ADGRL2: variants seen among roughly 807,000 people sequenced by gnomAD.
The protein encoded by ADGRL2 is adhesion G protein-coupled receptor L2.
A neutral mutation model predicts 157.4 loss-of-function variants in ADGRL2; 44 were observed. The observed-to-expected ratio is 0.28, with a 90% confidence interval of 0.22 to 0.36. The LOEUF is 0.36. Ranked by LOEUF, ADGRL2 falls within the 10% of genes least tolerant of loss-of-function variation. ADGRL2 has a pLI of 1.00. For synonymous variants in ADGRL2, 585 were observed against 624.7 expected, an observed-to-expected ratio of 0.94 and a Z score of 0.95; for missense variants, 1,510 against 1,768.9, an observed-to-expected ratio of 0.85 and a Z score of 2.63.
intron 3 of ADGRL2, among the ~76,000 whole-genome samples, chr1:81,640,563 C>T (rs995242217): frequency 5.9e-5 from 9 of 151,698 alleles, no homozygotes; most frequent in South Asian, 2.1e-4. Context: ...ACCCGGGAGG[C>T]GGAGGTTGCA....
chr1:81,685,170 A>G (rs1451157806), intron 3 of ADGRL2, among the ~76,000 whole-genome samples: 1 of 152,192 alleles, frequency 6.6e-6, no homozygotes, highest in Admixed American at 6.5e-5. Context: ...AATTCTGTGA[A>G]GAATGATGGT....
chr1:81,764,635 G>A (rs1458493723), intron 2 of ADGRL2, among the ~76,000 whole-genome samples: 3 of 152,084 alleles, frequency 2.0e-5, no homozygotes, highest in Non-Finnish European at 4.4e-5. Context: ...ATGCATTGAG[G>A]AGTTAAAGAG....
chr1:81,490,038 T>C (rs1165834756), intron 2 of ADGRL2, among the ~76,000 whole-genome samples: 1 of 151,974 alleles, frequency 6.6e-6, no homozygotes, highest in Non-Finnish European at 1.5e-5. Context: ...TAAAGGTAAA[T>C]ATGTGGTCAA....
chr1:81,680,208 A>G (rs2083081663), intron 3 of ADGRL2, among the ~76,000 whole-genome samples: 1 of 152,204 alleles, frequency 6.6e-6, no homozygotes, highest in African/African-American at 2.4e-5. Flanking sequence ...TACAATGTGC[A>G]CAAGAATTGC....
chr1:81,826,767 A>G (rs558576810), intron 1 of ADGRL2, among the ~76,000 whole-genome samples: 2 of 152,298 alleles, frequency 1.3e-5, no homozygotes, highest in South Asian at 4.1e-4. Flanking sequence ...TGTAAAATGG[A>G]AAGGACATTT....
At chr1:81,897,471 A>C (rs1328813029) in intron 2 of ADGRL2, among the ~76,000 whole-genome samples, 2 of 152,144 alleles carry the variant, frequency 1.3e-5, no homozygotes, top group Admixed American at 1.3e-4. Flanking sequence ...ATATGTTTTC[A>C]TGGTACTTGT....
intron 1 of ADGRL2, among the ~76,000 whole-genome samples, chr1:81,730,987 T>A (rs879768262): frequency 6.6e-6 from 1 of 152,194 alleles, no homozygotes; most frequent in Non-Finnish European, 1.5e-5. Context: ...ATGGTAAAAT[T>A]ATGAATATAT....
chr1:81,886,793 A>T (rs865832081), intron 2 of ADGRL2, among the ~76,000 whole-genome samples: 12 of 152,080 alleles, frequency 7.9e-5, no homozygotes, highest in African/African-American at 2.9e-4. Context: ...GTTTTCATAT[A>T]CTCTTTTAAA....
chr1:81,583,530 G>T (rs147623496), intron 3 of ADGRL2, among the ~76,000 whole-genome samples: 4,132 of 152,078 alleles, frequency 0.027, 87 homozygotes, highest in Non-Finnish European at 0.041. Flanking sequence ...ATCCCTTCCA[G>T]ACACTTGACT....
At chr1:81,908,412 C>A (rs2094633031) in intron 3 of ADGRL2, among the ~76,000 whole-genome samples, 2 of 152,138 alleles carry the variant, frequency 1.3e-5, no homozygotes, top group African/African-American at 2.4e-5. Flanking sequence ...TCCTCCATAT[C>A]TTTTGTTGGC....
chr1:81,314,864 A>T (rs1256569145), intron 1 of ADGRL2, among the ~76,000 whole-genome samples: 1 of 152,188 alleles, frequency 6.6e-6, no homozygotes, highest in Non-Finnish European at 1.5e-5. Context: ...CATTGTGATC[A>T]TTTCCTGAAT....
intron 1 of ADGRL2, among the ~76,000 whole-genome samples, chr1:81,376,855 T>C (rs921302771): frequency 1.3e-5 from 2 of 152,154 alleles, no homozygotes; most frequent in African/African-American, 4.8e-5. Flanking sequence ...GCAGAGTGCA[T>C]GGGTCAAGAA....
At chr1:81,666,638 A>G (rs1478301151) in intron 3 of ADGRL2, among the ~76,000 whole-genome samples, 2 of 152,170 alleles carry the variant, frequency 1.3e-5, no homozygotes, top group African/African-American at 4.8e-5. Flanking sequence ...GGCGGCTCCT[A>G]TGATGGCCCA....
chr1:81,611,553 C>T (rs543406423), intron 3 of ADGRL2, among the ~76,000 whole-genome samples: 14 of 152,320 alleles, frequency 9.2e-5, no homozygotes, highest in East Asian at 3.9e-4. Context: ...ATTTTACAGA[C>T]TTTTCTATGT....
chr1:81,676,659 T>C (rs2082996959), intron 3 of ADGRL2, among the ~76,000 whole-genome samples: 1 of 151,922 alleles, frequency 6.6e-6, no homozygotes, highest in Admixed American at 6.6e-5. Flanking sequence ...ACTGTGGAAA[T>C]GTGTACAGAA....
At chr1:81,514,473 A>C (rs1373323965) in intron 2 of ADGRL2, among the ~76,000 whole-genome samples, 2 of 152,208 alleles carry the variant, frequency 1.3e-5, no homozygotes, top group African/African-American at 4.8e-5. Flanking sequence ...CCAGGGGTGC[A>C]AAATGGCTAT....
chr1:81,385,521 G>C (rs914274022), intron 1 of ADGRL2, among the ~76,000 whole-genome samples: 1 of 151,918 alleles, frequency 6.6e-6, no homozygotes, highest in Non-Finnish European at 1.5e-5. Flanking sequence ...GAATAAACCT[G>C]AGGGTAACTT....
At chr1:81,498,068 A>G (rs2078767576) in intron 2 of ADGRL2, among the ~76,000 whole-genome samples, 1 of 152,152 alleles carries the variant, frequency 6.6e-6, no homozygotes, top group Non-Finnish European at 1.5e-5. Flanking sequence ...ATAATAAATG[A>G]ATGTAGGAAC....
chr1:81,846,335 G>A (rs2092786931), intron 2 of ADGRL2, among the ~76,000 whole-genome samples: 1 of 101,532 alleles, frequency 9.8e-6, no homozygotes, highest in African/African-American at 3.6e-5. Context: ...TGTATCCCAT[G>A]TATTTAATAA....
Sources: allele counts gnomAD v4.1 joint callset (sites outside exome capture counted in the v4.1 genomes callset), GRCh38; gene constraint gnomAD v4.1.1; transcripts MANE v1.5; gene names NCBI Gene and HGNC (gene_info 2026-07-23, HGNC 2026-07-21).